The following ODF1 variants were observed in gnomAD, a reference collection of about 807,000 sequenced individuals.
ODF1 encodes the protein outer dense fiber of sperm tails 1.
ODF1 carries 10 observed loss-of-function variants against 24.0 expected under a neutral mutation model. That is an observed-to-expected ratio of 0.42 (90% CI 0.26 to 0.71). The LOEUF (loss-of-function observed/expected upper bound fraction) is 0.71, where lower values mean the gene tolerates loss of function less well. ODF1 is among the 30% of genes least tolerant of loss of function. The probability of loss-of-function intolerance (pLI) is 0.28; values close to 1 mark genes in which losing one functional copy is unlikely to be tolerated. For synonymous variants in ODF1, 118 were observed against 121.3 expected (o/e 0.97, Z 0.18); for missense variants, 282 against 307.9 (o/e 0.92, Z 0.63).
At chr8:102,555,911 C>T (rs1587811338) in intron 1 of ODF1, among the ~76,000 whole-genome samples, 1 of 152,182 alleles carries the variant, frequency 6.6e-6, no homozygotes, top group African/African-American at 2.4e-5. Flanking sequence ...AGCTCAGTCA[C>T]CCCTTGGCTG....
intron 1 of ODF1, among the ~76,000 whole-genome samples, chr8:102,555,013 C>A (rs1826095341): frequency 6.6e-6 from 1 of 152,060 alleles, no homozygotes; most frequent in Admixed American, 6.6e-5. Flanking sequence ...CTTTATTGGG[C>A]AGCTGCTTCA....
chr8:102,551,889 C>T lies in ODF1; in HGVS notation c.162C>T (p.Tyr54=). 6.2e-7 allele frequency: 1 copy of T among 1,614,184 alleles called. No individual in the cohort carries two copies. Among genetic ancestry groups the T allele is most frequent in the Non-Finnish European group, 8.5e-7 (1 of 1,180,038 alleles). The change falls in exon 1 of 2, where the codon TAC becomes TAT. Residue 54 remains tyrosine (Y), a synonymous_variant. Transcript: ENST00000285402. ...GCTGTGACTTGCACCCATATCCGTACTGCTTGTGCTATTCCAAGCGATCAC... is the reference window on the plus strand; with the variant it reads ...GCTGTGACTTGCACCCATATCCGTATTGCTTGTGCTATTCCAAGCGATCAC... ...YCCCDLHPYP[Y]CLCYSKRSRS... is the part of the protein sequence containing the mutation.
chr8:102,556,414 G>GTTT (rs1320117460), intron 1 of ODF1, among the ~76,000 whole-genome samples: 1 of 98,962 alleles, frequency 1.0e-5, no homozygotes, highest in Admixed American at 1.2e-4. Flanking sequence ...AGCCACCTGT[G>GTTT]TTTTTTGTTG....
At chr8:102,553,410 G>T (rs560499272) in intron 1 of ODF1, among the ~76,000 whole-genome samples, 1 of 150,906 alleles carries the variant, frequency 6.6e-6, no homozygotes, top group African/African-American at 2.4e-5. Context: ...TTATTGTCTA[G>T]GTCACCAGCC....
At chr8:102,558,478 G>T (rs1826139498) in intron 1 of ODF1, among the ~76,000 whole-genome samples, 1 of 152,000 alleles carries the variant, frequency 6.6e-6, no homozygotes, top group Non-Finnish European at 1.5e-5. Context: ...AGAAAAAAAA[G>T]AAATGGGACT....
intron 1 of ODF1, among the ~76,000 whole-genome samples, chr8:102,559,424 G>A (rs1169787609): frequency 1.3e-5 from 2 of 151,698 alleles, no homozygotes; most frequent in Non-Finnish European, 1.5e-5. Flanking sequence ...GGACAGAGGA[G>A]AGCCCTAATA....
chr8:102,555,518 G>T (rs1826101563), intron 1 of ODF1, among the ~76,000 whole-genome samples: 1 of 152,160 alleles, frequency 6.6e-6, no homozygotes, highest in Non-Finnish European at 1.5e-5. Context: ...CCCCACACCA[G>T]GGGCACTCTC....
chr8:102,555,514 A>G (rs1412906530), intron 1 of ODF1, among the ~76,000 whole-genome samples: 1 of 152,088 alleles, frequency 6.6e-6, no homozygotes, highest in Non-Finnish European at 1.5e-5. Flanking sequence ...AAATCCCCAC[A>G]CCAGGGGCAC....
At chr8:102,552,993 TAGA>T (rs1284141551) in intron 1 of ODF1, among the ~76,000 whole-genome samples, 2 of 73,654 alleles carry the variant, frequency 2.7e-5, no homozygotes, top group Non-Finnish European at 5.8e-5. Context: ...GATAGATAGA[TAGA>T]TAGATAGATA....
At chr8:102,555,181 T>C (rs1180445987) in intron 1 of ODF1, among the ~76,000 whole-genome samples, 2 of 152,142 alleles carry the variant, frequency 1.3e-5, no homozygotes, top group Non-Finnish European at 2.9e-5. Context: ...GGGGACTGCA[T>C]TGGTTTCCTT....
chr8:102,560,916 G>A lies in ODF1; in HGVS notation c.*32G>A. The A allele has an allele frequency of 1.9e-6, 3 of 1,559,368 alleles. No individual in the cohort carries two copies. The highest frequency in any genetic ancestry group is 2.6e-6 in the Non-Finnish European group (3 of 1,149,924). ...CATAGGAACCCATTACTTAATAGAA[G>A]TCAGTTACTCCAGCCAGGCAGCTCT... On this transcript the variant is annotated 3_prime_UTR_variant, in exon 2 of 2. Transcript: ENST00000285402.
At chr8:102,556,187 C>T (rs1252536191) in intron 1 of ODF1, among the ~76,000 whole-genome samples, 2 of 152,058 alleles carry the variant, frequency 1.3e-5, no homozygotes, top group Non-Finnish European at 2.9e-5. Context: ...GAGTCAGGGG[C>T]CATGTTCTTG....
At chr8:102,554,197 G>A (rs1351974685) in intron 1 of ODF1, among the ~76,000 whole-genome samples, 1 of 152,180 alleles carries the variant, frequency 6.6e-6, no homozygotes, top group Non-Finnish European at 1.5e-5. Flanking sequence ...TTCTTCTAGT[G>A]CAGTGCCTTT....
At chr8:102,557,714 C>T (rs1218142753) in intron 1 of ODF1, among the ~76,000 whole-genome samples, 3 of 152,204 alleles carry the variant, frequency 2.0e-5, no homozygotes, top group Non-Finnish European at 4.4e-5. Flanking sequence ...GGGCCCTTGG[C>T]CCTCCTTTAG....
chr8:102,558,311 G>C (rs181733898), intron 1 of ODF1, among the ~76,000 whole-genome samples: 1 of 152,098 alleles, frequency 6.6e-6, no homozygotes, highest in East Asian at 1.9e-4. Context: ...ATAATTAGCC[G>C]AGCATGGTGG....
At position 102,560,658 on chromosome 8, in the gene ODF1, G is replaced by A. The variant is rs1407714729; in HGVS notation, c.527G>A (p.Ser176Asn). 4 of 1,614,120 alleles carry A rather than the reference G, an allele frequency of 2.5e-6. No homozygotes were observed. The African/African-American group carries it at 5.3e-5, about 22-fold the overall frequency. ...YSYMNICKEF[S>N]LPPCVDEKDV... is the part of the protein sequence containing the mutation. ...TACATGAACATCTGCAAAGAGTTCAGCTTGCCGCCCTGTGTGGATGAGAAG... is the reference window on the plus strand; with the variant it reads ...TACATGAACATCTGCAAAGAGTTCAACTTGCCGCCCTGTGTGGATGAGAAG... The change falls in exon 2 of 2, where the codon AGC (serine) becomes AAC (asparagine). Residue 176 changes from serine to asparagine, a missense_variant. Coordinates refer to ENST00000285402, the MANE Select transcript of ODF1 (RefSeq NM_024410.4).
intron 1 of ODF1, among the ~76,000 whole-genome samples, 200 bp from the exon 2 acceptor site, chr8:102,560,252 T>C (rs1364586925): frequency 6.8e-6 from 1 of 147,524 alleles, no homozygotes; most frequent in East Asian, 1.9e-4. Flanking sequence ...TGTTAACAGC[T>C]GTGTACTTGC....
At chr8:102,559,535 G>A (rs1587812414) in intron 1 of ODF1, among the ~76,000 whole-genome samples, 1 of 151,656 alleles carries the variant, frequency 6.6e-6, no homozygotes, top group East Asian at 1.9e-4. Flanking sequence ...GGGAAGAGAT[G>A]TACACGATCA....
chr8:102,557,486 C>G (rs977891291), intron 1 of ODF1, among the ~76,000 whole-genome samples: 1 of 152,186 alleles, frequency 6.6e-6, no homozygotes, highest in Non-Finnish European at 1.5e-5. Context: ...GTCGCAGAGC[C>G]ACAGGAGCCA....
Sources: allele counts gnomAD v4.1 joint callset (sites outside exome capture counted in the v4.1 genomes callset), GRCh38; gene constraint gnomAD v4.1.1; transcripts MANE v1.5; gene names NCBI Gene and HGNC (gene_info 2026-07-23, HGNC 2026-07-21).